Variants in PCGF5 observed in about 807,000 individuals in gnomAD.
PCGF5 encodes the protein polycomb group ring finger 5.
A neutral mutation model predicts 44.3 loss-of-function variants in PCGF5; 9 were observed. The ratio of observed to expected loss-of-function variants is 0.20; its 90% CI spans 0.12 to 0.35. The LOEUF (loss-of-function observed/expected upper bound fraction) is 0.35, where lower values mean the gene tolerates loss of function less well. PCGF5 is among the 10% of genes least tolerant of loss of function. The probability of loss-of-function intolerance (pLI) is 1.00; values close to 1 mark genes in which losing one functional copy is unlikely to be tolerated. For synonymous variants in PCGF5, 95 were observed against 102.5 expected (o/e 0.93, Z 0.44); for missense variants, 146 against 305.3 (o/e 0.48, Z 3.89).
At chr10:91,225,231 A>G (rs1375931577) in intron 2 of PCGF5, among the ~76,000 whole-genome samples, 1 of 147,450 alleles carries the variant, frequency 6.8e-6, no homozygotes, top group Non-Finnish European at 1.5e-5. Flanking sequence ...GATATATATC[A>G]TATATGTATA....
At chr10:91,191,213 A>G (rs1844028189) in intron 1 of PCGF5, among the ~76,000 whole-genome samples, 1 of 152,254 alleles carries the variant, frequency 6.6e-6, no homozygotes, top group Non-Finnish European at 1.5e-5. Context: ...GAACTGGTAT[A>G]ACAATATGCA....
intron 1 of PCGF5, among the ~76,000 whole-genome samples, chr10:91,207,154 T>A (rs916407237): frequency 1.2e-4 from 18 of 152,178 alleles, no homozygotes; most frequent in African/African-American, 4.1e-4. Flanking sequence ...TAAAAACCTT[T>A]TAAAGAGGAA....
chr10:91,222,143 G>T (rs531470617), intron 1 of PCGF5, among the ~76,000 whole-genome samples: 1 of 152,166 alleles, frequency 6.6e-6, no homozygotes, highest in Non-Finnish European at 1.5e-5. Flanking sequence ...ACTGACATTC[G>T]TTGATAAGAA....
At chr10:91,254,835 C>A (rs1427332524) in intron 6 of PCGF5, among the ~76,000 whole-genome samples, 1 of 152,016 alleles carries the variant, frequency 6.6e-6, no homozygotes, top group Non-Finnish European at 1.5e-5. Context: ...TTTCAGAGAT[C>A]TGATATTAAA....
At chr10:91,260,657 G>GT (rs1411938625) in intron 6 of PCGF5, among the ~76,000 whole-genome samples, 1 of 152,124 alleles carries the variant, frequency 6.6e-6, no homozygotes. Flanking sequence ...CGTGTCCTTT[G>GT]TAGGGACATG....
At chr10:91,277,897 G>A (rs145361820) in intron 9 of PCGF5, among the ~76,000 whole-genome samples, 3 of 152,180 alleles carry the variant, frequency 2.0e-5, no homozygotes, top group Non-Finnish European at 2.9e-5. Flanking sequence ...CCAGGCTGCT[G>A]ATCTGTCTTG....
intron 7 of PCGF5, among the ~76,000 whole-genome samples, chr10:91,261,636 ATACATT>A (rs1845912427): frequency 6.6e-6 from 1 of 152,230 alleles, no homozygotes; most frequent in Non-Finnish European, 1.5e-5. Context: ...TATGATACTA[ATACATT>A]TAGTGTTTTA....
At chr10:91,180,603 G>A (rs1292211203) in intron 1 of PCGF5, among the ~76,000 whole-genome samples, 1 of 152,142 alleles carries the variant, frequency 6.6e-6, no homozygotes, top group African/African-American at 2.4e-5. Flanking sequence ...TTTATGAATA[G>A]GGAATCCTTT....
intron 1 of PCGF5, among the ~76,000 whole-genome samples, chr10:91,164,244 G>A (rs2133153215): frequency 6.6e-6 from 1 of 151,870 alleles, no homozygotes; most frequent in Middle Eastern, 3.4e-3. Context: ...ACAATAACTT[G>A]TGGGGGGGTC....
chr10:91,227,361 C>A, intron 2 of PCGF5: 1 of 1,217,116 alleles, frequency 8.2e-7, no homozygotes, highest in Non-Finnish European at 1.1e-6. Context: ...TGGATGTCCA[C>A]TTGGATGTCC....
intron 1 of PCGF5, among the ~76,000 whole-genome samples, chr10:91,166,214 T>C (rs1424792722): frequency 6.6e-6 from 1 of 152,232 alleles, no homozygotes; most frequent in African/African-American, 2.4e-5. Flanking sequence ...CCAGAGCTGC[T>C]ATAGGTGGAG....
At chr10:91,271,343 T>A (rs1303610216) in intron 8 of PCGF5, among the ~76,000 whole-genome samples, 1 of 152,042 alleles carries the variant, frequency 6.6e-6, no homozygotes, top group Non-Finnish European at 1.5e-5. Flanking sequence ...AAGTGAGATT[T>A]TCCCAGGAAA....
chr10:91,170,112 C>T (rs545604081), intron 1 of PCGF5, among the ~76,000 whole-genome samples: 15 of 152,272 alleles, frequency 9.9e-5, no homozygotes, highest in African/African-American at 1.4e-4. Context: ...AGACTTCACC[C>T]GTGTCCCAAA....
In PCGF5 at chr10:91,181,415, G is replaced by A. The variant is rs1301600571; in HGVS notation, c.-184+18334G>A. 3.3e-5 allele frequency among the ~76,000 whole-genome samples: 5 copies of A among 151,284 alleles called. No individual in the cohort carries two copies. In the East Asian group the frequency reaches 9.6e-4, roughly 29 times the overall value. ...ATGTTGAATAGGAGTAGCCAGACAGGGCATCCTTGTCTTGTGCCAGTTTTC... is the reference window on the plus strand; with the variant it reads ...ATGTTGAATAGGAGTAGCCAGACAGAGCATCCTTGTCTTGTGCCAGTTTTC... On this transcript the variant is annotated intron_variant, in intron 1 of 9. Coordinates refer to the PCGF5 transcript ENST00000614189.
intron 1 of PCGF5, among the ~76,000 whole-genome samples, chr10:91,166,531 T>G (rs1843503538): frequency 6.6e-6 from 1 of 152,230 alleles, no homozygotes; most frequent in Admixed American, 6.5e-5. Context: ...ACTGTTTAAT[T>G]TTTATGCCTC....
intron 5 of PCGF5, 34 bp downstream of exon 5, chr10:91,248,758 C>A: frequency 6.5e-7 from 1 of 1,533,964 alleles, no homozygotes; most frequent in Non-Finnish European, 8.9e-7. Flanking sequence ...CTGACAGCAC[C>A]TCTTAAACTG....
intron 9 of PCGF5, among the ~76,000 whole-genome samples, chr10:91,276,712 G>T (rs768192705): frequency 6.6e-6 from 1 of 152,070 alleles, no homozygotes; most frequent in Admixed American, 6.6e-5. Context: ...TAGAATTAAT[G>T]GATACTTCCA....
chr10:91,277,558 G>C (rs1846348391), intron 9 of PCGF5, among the ~76,000 whole-genome samples: 1 of 152,154 alleles, frequency 6.6e-6, no homozygotes, highest in Admixed American at 6.5e-5. Flanking sequence ...AGTTCTGTAT[G>C]ATAGCCAGAT....
In PCGF5 at chr10:91,222,778, C is replaced by T; in HGVS notation, c.-94C>T. ...AGTTCTCATGCCTCAGGACATCCTACTGGGAACGACACACCAGCTCCTGGG... is the reference window on the plus strand; with the variant it reads ...AGTTCTCATGCCTCAGGACATCCTATTGGGAACGACACACCAGCTCCTGGG... On this transcript the variant is annotated 5_prime_UTR_variant, in exon 2 of 10. Coordinates refer to ENST00000336126, the MANE Select transcript of PCGF5 (RefSeq NM_032373.5). 2 of 670,150 alleles carry T rather than the reference C, an allele frequency of 3.0e-6. No homozygotes were observed. The highest frequency in any genetic ancestry group is 5.3e-6 in the Non-Finnish European group (2 of 378,262). The allele number at this position is 670,150 out of a possible 1,614,324, so 41.5% of individuals were successfully genotyped here.
Sources: allele counts gnomAD v4.1 joint callset (sites outside exome capture counted in the v4.1 genomes callset), GRCh38; gene constraint gnomAD v4.1.1; transcripts MANE v1.5; gene names NCBI Gene and HGNC (gene_info 2026-07-23, HGNC 2026-07-21).